ACAD9: variants seen among roughly 807,000 people sequenced by gnomAD.
ACAD9 encodes the protein complex I assembly factor ACAD9, mitochondrial.
Under a neutral mutation model 70.2 loss-of-function variants are expected in ACAD9, and 53 were observed. The observed-to-expected ratio is 0.75, with a 90% CI of 0.61 to 0.95. The LOEUF (loss-of-function observed/expected upper bound fraction) is 0.95. ACAD9 is among the 40% of genes least tolerant of loss of function. The pLI, the probability that ACAD9 is intolerant of heterozygous loss-of-function variation, is 0.00. For missense variants in ACAD9, 777 were observed against 802.8 expected, an observed-to-expected ratio of 0.97 and a Z score of 0.39; for synonymous variants, 313 against 312.1, an observed-to-expected ratio of 1.00 and a Z score of -0.03.
intron 7 of ACAD9, among the ~76,000 whole-genome samples, chr3:128,899,913 G>T (rs1467240142): frequency 6.6e-6 from 1 of 152,116 alleles, no homozygotes; most frequent in Non-Finnish European, 1.5e-5. Flanking sequence ...CACCTAAGGG[G>T]CCAAGCCAAG....
At chr3:128,887,538 G>A (rs939116065) in intron 2 of ACAD9, among the ~76,000 whole-genome samples, 1 of 151,550 alleles carries the variant, frequency 6.6e-6, no homozygotes, top group South Asian at 2.1e-4. Context: ...AGCCTGGGAA[G>A]TCAAGGCTGT....
At chr3:128,909,896 G>A (rs1576351451) in intron 15 of ACAD9, 125 bp from the exon 16 acceptor site, 1 of 1,356,962 alleles carries the variant, frequency 7.4e-7, no homozygotes, top group East Asian at 2.4e-5. Flanking sequence ...AGAGAAAGGT[G>A]TTATTGACTC....
At chr3:128,892,955 T>C (rs1935464319) in intron 2 of ACAD9, among the ~76,000 whole-genome samples, 1 of 152,156 alleles carries the variant, frequency 6.6e-6, no homozygotes, top group Non-Finnish European at 1.5e-5. Context: ...ATCCCATGAA[T>C]GTATATAATT....
intron 12 of ACAD9, among the ~76,000 whole-genome samples, chr3:128,907,424 C>T (rs1457905929): frequency 6.6e-6 from 1 of 152,170 alleles, no homozygotes; most frequent in East Asian, 1.9e-4. Context: ...CAGCAGGGTT[C>T]AGGAAGCCCT....
At chr3:128,905,300 G>A (rs1309137568) in intron 11 of ACAD9, among the ~76,000 whole-genome samples, 2 of 152,222 alleles carry the variant, frequency 1.3e-5, no homozygotes, top group African/African-American at 4.8e-5. Flanking sequence ...ATCTTATTTG[G>A]TTAAGGTAGA....
chr3:128,895,234 A>AG (rs1432603340), intron 3 of ACAD9, 76 bp from the exon 4 acceptor site: 29 of 1,167,486 alleles, frequency 2.5e-5, no homozygotes, highest in Non-Finnish European at 3.5e-5. Context: ...AATCAGAAGA[A>AG]AAAAAAAAGC....
At position 128,884,421 on chromosome 3, in the gene ACAD9, C is replaced by T. The variant is rs572308035; in HGVS notation, c.151-232C>T. Among the ~76,000 whole-genome samples the T allele has an allele frequency of 3.3e-5, 5 of 152,188 alleles. No individual in the cohort carries two copies. The East Asian group carries it at 9.6e-4, about 29-fold the overall frequency. ...ACTGAGAAGGAAAACTGATGAAAAT[C>T]GGGAAGAACCTATTTGAACAGGGGA... On this transcript the variant is annotated intron_variant, in intron 1 of 17. Coordinates refer to ENST00000308982, the MANE Select transcript of ACAD9 (RefSeq NM_014049.5).
intron 2 of ACAD9, among the ~76,000 whole-genome samples, chr3:128,885,443 G>A (rs1049198085): frequency 6.6e-6 from 1 of 152,134 alleles, no homozygotes; most frequent in African/African-American, 2.4e-5. Flanking sequence ...TCAGACTGGA[G>A]TGTGGTGGTA....
intron 12 of ACAD9, among the ~76,000 whole-genome samples, chr3:128,907,797 C>T (rs1254679013): frequency 2.6e-5 from 4 of 152,210 alleles, no homozygotes; most frequent in Non-Finnish European, 5.9e-5. Context: ...TTTCTGGCTT[C>T]CGTGAGGAAT....
chr3:128,884,891 C>T, intron 2 of ACAD9, 145 bp downstream of exon 2: 3 of 711,276 alleles, frequency 4.2e-6, no homozygotes, highest in Non-Finnish European at 7.5e-6. Context: ...GGTTTCATCC[C>T]TATTGCCATT....
chr3:128,891,607 C>T (rs532205699), intron 2 of ACAD9, among the ~76,000 whole-genome samples: 1 of 152,210 alleles, frequency 6.6e-6, no homozygotes, highest in South Asian at 2.1e-4. Flanking sequence ...GGCGACAGAG[C>T]GAGACTCCAT....
At chr3:128,912,486 A>G (rs1039938318) in intron 17 of ACAD9, 21 bp from the exon 18 acceptor site, 13 of 1,604,602 alleles carry the variant, frequency 8.1e-6, no homozygotes, top group African/African-American at 1.3e-5. Flanking sequence ...ATCACCCACC[A>G]TCTCTCCTTT....
At chr3:128,880,399 C>T (rs1576326427) in intron 1 of ACAD9, among the ~76,000 whole-genome samples, 1 of 152,274 alleles carries the variant, frequency 6.6e-6, no homozygotes, top group African/African-American at 2.4e-5. Flanking sequence ...GGTCTTGGCT[C>T]GTTGACTTTG....
chr3:128,896,389 C>G, intron 4 of ACAD9, 47 bp from the exon 5 acceptor site: 3 of 1,565,910 alleles, frequency 1.9e-6, no homozygotes, highest in Non-Finnish European at 2.6e-6. Context: ...ACCTCATGCT[C>G]TCCTTTCTCC....
At chr3:128,905,314 T>C (rs1337858605) in intron 11 of ACAD9, among the ~76,000 whole-genome samples, 2 of 152,238 alleles carry the variant, frequency 1.3e-5, no homozygotes, top group Non-Finnish European at 2.9e-5. Flanking sequence ...AGGTAGATAC[T>C]AGAATTTGCT....
rs62265267 is a variant in ACAD9, at chr3:128,908,468, G to C, written c.1358+204G>C. On this transcript the variant is annotated intron_variant, in intron 13 of 17. Transcript: ENST00000308982. ...TCGCTGCCCTGCCCTTATGGCCACA[G>C]CACCCTACAGCTTCAGCATAAATAC... 21,105 of 634,718 alleles carry C rather than the reference G, an allele frequency of 0.033. 911 individuals are homozygous for C. Among genetic ancestry groups the C allele is most frequent in the African/African-American group, 0.12 (6,520 of 55,244 alleles). The allele number at this position is 634,718 out of a possible 1,614,324, so 39.3% of individuals were successfully genotyped here. A position where few individuals can be genotyped will look rare whatever the true frequency, so the allele number is the denominator to read the frequency against.
chr3:128,910,473 C>T lies in ACAD9; in HGVS notation c.1693-268C>T. The T allele has an allele frequency of 3.5e-6, 3 of 863,654 alleles. No individual in the cohort carries two copies. The South Asian group carries it at 5.1e-5, about 15-fold the overall frequency. The allele number at this position is 863,654 out of a possible 1,614,324, so 53.5% of individuals were successfully genotyped here. A position where few individuals can be genotyped will look rare whatever the true frequency, so the allele number is the denominator to read the frequency against. Reference sequence around the variant, plus strand: ...GAGGACCCACTGTATACCAGGATCTCTGCCTGCACTTTCCAGAGCACCTGC... The same window carrying T: ...GAGGACCCACTGTATACCAGGATCTTTGCCTGCACTTTCCAGAGCACCTGC... On this transcript the variant is annotated intron_variant, in intron 16 of 17. Transcript: ENST00000308982.
rs941465929 is a variant in ACAD9 at position 128,909,375 on chromosome 3, A to G, written c.1517A>G (p.Tyr506Cys). The change falls in exon 15 of 18, where the codon TAC becomes TGC. Residue 506 changes from tyrosine to cysteine, a missense_variant. Physicochemically the swap from Tyr to Cys is radical, Grantham distance 194. Coordinates refer to ENST00000308982, the MANE Select transcript of ACAD9 (RefSeq NM_014049.5). ...DSANKFEENT[Y>C]CFGRTVETLL... is the part of the protein sequence containing the mutation. The stretch of plus-strand genomic sequence containing the variant: ...GCCAACAAGTTTGAGGAGAACACCT[A>G]CTGCTTCGGCCGGACCGTGGAGACA... 1.9e-6 allele frequency: 3 copies of G among 1,614,170 alleles called. No individual in the cohort carries two copies. Among genetic ancestry groups the G allele is most frequent in the South Asian group, 2.2e-5 (2 of 91,084 alleles).
intron 2 of ACAD9, among the ~76,000 whole-genome samples, chr3:128,889,305 C>T (rs549555710): frequency 1.1e-4 from 16 of 152,198 alleles, no homozygotes; most frequent in African/African-American, 2.9e-4. Context: ...TGAGACACCA[C>T]GCCCGGCCTA....
Sources: allele counts gnomAD v4.1 joint callset (sites outside exome capture counted in the v4.1 genomes callset), GRCh38; gene constraint gnomAD v4.1.1; transcripts MANE v1.5; gene names NCBI Gene and HGNC (gene_info 2026-07-23, HGNC 2026-07-21).